DNAH12: variants seen among roughly 807,000 people sequenced by gnomAD.
DNAH12 encodes dynein axonemal heavy chain 12.
Under a neutral mutation model 371.5 loss-of-function variants are expected in DNAH12, and 285 were observed. The ratio of observed to expected loss-of-function variants is 0.77; its 90% CI spans 0.70 to 0.85. The LOEUF (loss-of-function observed/expected upper bound fraction) is 0.85, where lower values mean the gene tolerates loss of function less well. Ranked by LOEUF, DNAH12 falls within the 40% of genes least tolerant of loss-of-function variation. DNAH12 has a pLI of 0.00. For synonymous variants in DNAH12, 1,200 were observed against 1,213.0 expected, an observed-to-expected ratio of 0.99 and a Z score of 0.22; for missense variants, 3,611 against 3,689.4, an observed-to-expected ratio of 0.98 and a Z score of 0.55.
chr3:57,440,825 T>G (rs1221385888), intron 29 of DNAH12, among the ~76,000 whole-genome samples: 2 of 152,038 alleles, frequency 1.3e-5, no homozygotes, highest in Non-Finnish European at 2.9e-5. Context: ...TCCTCTCTAC[T>G]AAAAATACAA....
intron 11 of DNAH12, among the ~76,000 whole-genome samples, chr3:57,495,646 T>C (rs1459059433): frequency 6.8e-6 from 1 of 146,306 alleles, no homozygotes; most frequent in Non-Finnish European, 1.5e-5. Flanking sequence ...TGTATTTATA[T>C]AATATATAAA....
At chr3:57,422,129 G>C (rs1354185113) in intron 35 of DNAH12, among the ~76,000 whole-genome samples, 1 of 151,714 alleles carries the variant, frequency 6.6e-6, no homozygotes, top group Non-Finnish European at 1.5e-5. Flanking sequence ...ACCCAGGCTG[G>C]TCTTAAACTC....
chr3:57,355,557 T>A (rs1396800574), intron 59 of DNAH12, among the ~76,000 whole-genome samples: 3 of 152,020 alleles, frequency 2.0e-5, no homozygotes, highest in Admixed American at 2.0e-4. Flanking sequence ...TACCCAGGAA[T>A]GGAATTGCTG....
the DNAH12 span, among the ~76,000 whole-genome samples, chr3:57,554,805 C>CG: frequency 6.6e-6 from 1 of 151,634 alleles, no homozygotes; most frequent in Non-Finnish European, 1.5e-5. Flanking sequence ...TTAGTAGAGA[C>CG]GGGGTTTCAC....
intron 59 of DNAH12, among the ~76,000 whole-genome samples, chr3:57,356,080 A>G (rs1331201836): frequency 6.6e-6 from 1 of 152,090 alleles, no homozygotes; most frequent in South Asian, 2.1e-4. Context: ...GTAATCCCCA[A>G]CTCCAGTCTG....
chr3:57,433,987 C>T (rs1283410044), intron 30 of DNAH12, among the ~76,000 whole-genome samples, 159 bp from the exon 31 acceptor site: 3 of 152,138 alleles, frequency 2.0e-5, no homozygotes, highest in Non-Finnish European at 2.9e-5. Flanking sequence ...AATTTCTGAA[C>T]TGATTGACTA....
At chr3:57,500,612 A>G (rs1423462736) in intron 11 of DNAH12, among the ~76,000 whole-genome samples, 2 of 152,080 alleles carry the variant, frequency 1.3e-5, no homozygotes, top group African/African-American at 4.8e-5. Flanking sequence ...TTCAAAGCCC[A>G]ACTCACATTT....
chr3:57,360,814 A>AC (rs1208915951), intron 58 of DNAH12, among the ~76,000 whole-genome samples: 6 of 152,074 alleles, frequency 3.9e-5, no homozygotes, highest in Non-Finnish European at 8.8e-5. Context: ...TTTTTTAATT[A>AC]CCCTAAAGTG....
intron 59 of DNAH12, among the ~76,000 whole-genome samples, chr3:57,352,492 C>G (rs939688238): frequency 6.6e-6 from 1 of 151,984 alleles, no homozygotes; most frequent in Non-Finnish European, 1.5e-5. Context: ...ACGTATTTTT[C>G]TGTGTGCAAC....
chr3:57,295,951 ATATT>A (rs773373959), intron 72 of DNAH12, among the ~76,000 whole-genome samples: 14 of 152,260 alleles, frequency 9.2e-5, no homozygotes, highest in South Asian at 8.3e-4. Flanking sequence ...TTTATTGTAA[ATATT>A]TATTTATTAT....
chr3:57,389,952 C>T (rs1266842994), intron 45 of DNAH12, among the ~76,000 whole-genome samples: 1 of 149,444 alleles, frequency 6.7e-6, no homozygotes, highest in Non-Finnish European at 1.5e-5. Context: ...TCTCCTGCCT[C>T]AGCCTCCCGA....
intron 60 of DNAH12, among the ~76,000 whole-genome samples, chr3:57,339,541 T>C (rs189986130): frequency 1.3e-5 from 2 of 152,216 alleles, no homozygotes; most frequent in East Asian, 3.9e-4. Context: ...AAGATGACTA[T>C]AGTTAATAAT....
In DNAH12 at chr3:57,309,670, T is replaced by G; in HGVS notation, c.11081A>C (p.Asn3694Thr). The change falls in exon 68 of 74, where the codon AAC (asparagine) becomes ACC (threonine). Residue 3694 changes from asparagine to threonine, a missense_variant. This residue lies in a region of DNAH12 where 2,266 missense variants were observed against 2,236.9 expected (regional missense o/e 1.01). Transcript: ENST00000495027. ...ATATTTTAAGCTGAACATTACCTTG[T>G]TGAGGATATCTTTGGTAATTTCTAA... ...ILLEITKDIL[N>T]KLPSDFDIEM... The G allele has an allele frequency of 6.6e-7, 1 of 1,512,150 alleles. No individual in the cohort carries two copies. The highest frequency in any genetic ancestry group is 8.8e-7 in the Non-Finnish European group (1 of 1,133,042). 93.7% of individuals were successfully genotyped at this position (1,512,150 alleles called of 1,614,324 possible). A position where few individuals can be genotyped will look rare whatever the true frequency, so the allele number is the denominator to read the frequency against.
intron 24 of DNAH12, 58 bp from the exon 25 acceptor site, chr3:57,453,073 A>C: frequency 6.7e-7 from 1 of 1,494,020 alleles, no homozygotes. Flanking sequence ...AATTTTAAAA[A>C]GAAGTATTTT....
intron 2 of DNAH12, among the ~76,000 whole-genome samples, chr3:57,542,100 C>T (rs941746921): frequency 7.0e-6 from 1 of 141,988 alleles, no homozygotes; most frequent in Non-Finnish European, 1.5e-5. Flanking sequence ...ACTGAACCAA[C>T]CTCATCACAG....
In DNAH12 at chr3:57,501,413, C is replaced by T. The variant is rs765851102; in HGVS notation, c.1244-1G>A. 34 of 1,577,006 alleles carry T rather than the reference C, an allele frequency of 2.2e-5. No individual in the cohort carries two copies. The highest frequency in any genetic ancestry group is 7.7e-6 in the Non-Finnish European group (9 of 1,167,720). On this transcript the variant is annotated splice_acceptor_variant, in intron 10 of 73. Coordinates refer to ENST00000495027, the MANE Select transcript of DNAH12 (RefSeq NM_001366028.2). LOFTEE classifies it high-confidence loss of function. Reference sequence around the variant, plus strand: ...TCAAGGAGCCAATTATATTTTTCAACTGAAAATTAATAATCTAATTAAAAT... The same window carrying T: ...TCAAGGAGCCAATTATATTTTTCAATTGAAAATTAATAATCTAATTAAAAT...
At chr3:57,549,562 TTCTC>T in the DNAH12 span, among the ~76,000 whole-genome samples, 2 of 151,426 alleles carry the variant, frequency 1.3e-5, no homozygotes, top group Admixed American at 6.6e-5. Flanking sequence ...CACAATCTGT[TTCTC>T]TCTCTCTCTC....
In DNAH12 at chr3:57,503,962, G is replaced by T. The variant is rs1005888139; in HGVS notation, c.1086+54C>A. On this transcript the variant is annotated intron_variant, in intron 9 of 73. Transcript: ENST00000495027. ...ATTGTATGTACACATACACTGCATAGAGATTCAATTCAAATAATTTAAAAT... is the reference window on the plus strand; with the variant it reads ...ATTGTATGTACACATACACTGCATATAGATTCAATTCAAATAATTTAAAAT... The T allele has an allele frequency of 2.8e-6, 4 of 1,429,922 alleles. No homozygotes were observed. In the African/African-American group the frequency reaches 5.7e-5, roughly 20 times the overall value. The allele number at this position is 1,429,922 out of a possible 1,614,324, so 88.6% of individuals were successfully genotyped here.
chr3:57,502,392 C>G lies in DNAH12; in HGVS notation c.1174G>C (p.Ala392Pro). The G allele has an allele frequency of 1.2e-6, 2 of 1,614,144 alleles. No individual in the cohort carries two copies. Among genetic ancestry groups the G allele is most frequent in the South Asian group, 1.1e-5 (1 of 91,078 alleles). ...TELPEHVLHW[A>P]VDTLKAAVHR... ...ACTGCTGCCTTCAGTGTATCAACAG[C>G]CCAGTGTAACACGTGTTCAGGAAGT... is the stretch of plus-strand genomic sequence containing the variant. Residue 392 changes from alanine to proline, a missense_variant, in exon 10 of 74, where the codon GCT (alanine) becomes CCT (proline). Transcript: ENST00000495027.
Sources: allele counts gnomAD v4.1 joint callset (sites outside exome capture counted in the v4.1 genomes callset), GRCh38; gene constraint gnomAD v4.1.1; regional missense constraint gnomAD v4.1.1; transcripts MANE v1.5; gene names NCBI Gene and HGNC (gene_info 2026-07-23, HGNC 2026-07-21).